KANK1: variants seen among roughly 807,000 people sequenced by gnomAD.
The protein encoded by KANK1 is KN motif and ankyrin repeat domains 1, also known as KN motif and ankyrin repeat domain-containing protein 1.
KANK1 carries 109 observed loss-of-function variants against 106.2 expected under a neutral mutation model. The ratio of observed to expected loss-of-function variants is 1.03; its 90% CI spans 0.88 to 1.20. The LOEUF (loss-of-function observed/expected upper bound fraction) is 1.20, where lower values mean the gene tolerates loss of function less well. KANK1 is among the 50% of genes most tolerant of loss of function. KANK1 has a pLI of 0.00. For synonymous variants in KANK1, 873 were observed against 652.2 expected (o/e 1.34, Z -5.16); for missense variants, 2,399 against 1,710.7 (o/e 1.40, Z -7.10).
chr9:481,946 G>A (rs2132169045), intron 3 of KANK1, among the ~76,000 whole-genome samples: 1 of 152,290 alleles, frequency 6.6e-6, no homozygotes, highest in East Asian at 1.9e-4. Flanking sequence ...CAGGGGCGAG[G>A]AGGAGGGTCA....
chr9:564,667 C>G (rs1817371570), intron 1 of KANK1, among the ~76,000 whole-genome samples: 1 of 152,220 alleles, frequency 6.6e-6, no homozygotes, highest in Non-Finnish European at 1.5e-5. Flanking sequence ...TTCTCATAAT[C>G]TGAGCATGCG....
intron 1 of KANK1, among the ~76,000 whole-genome samples, chr9:651,125 C>G (rs1025376651): frequency 6.6e-6 from 1 of 152,136 alleles, no homozygotes; most frequent in African/African-American, 2.4e-5. Flanking sequence ...TTTTCGGAAC[C>G]CCTTCAATTG....
chr9:617,786 T>G (rs1313841129), intron 1 of KANK1, among the ~76,000 whole-genome samples: 2 of 152,228 alleles, frequency 1.3e-5, no homozygotes, highest in Non-Finnish European at 2.9e-5. Flanking sequence ...TCAGATTGCT[T>G]CTTCCACTTT....
intron 2 of KANK1, chr9:686,646 C>A (rs1818647423): frequency 1.7e-6 from 1 of 579,898 alleles, no homozygotes; most frequent in Non-Finnish European, 2.2e-6. Context: ...TAGCACCACA[C>A]TTTATACAGC....
chr9:575,858 A>T (rs1227376542), intron 1 of KANK1, among the ~76,000 whole-genome samples: 1 of 152,178 alleles, frequency 6.6e-6, no homozygotes, highest in Non-Finnish European at 1.5e-5. Context: ...TCCTGTCTCT[A>T]TTAAAAATAC....
intron 1 of KANK1, among the ~76,000 whole-genome samples, chr9:530,514 T>C (rs2060009362): frequency 6.6e-6 from 1 of 152,086 alleles, no homozygotes; most frequent in African/African-American, 2.4e-5. Context: ...TGTCTGTTTC[T>C]TGACTTCTGT....
At chr9:503,867 C>G (rs1428174306), upstream of KANK1, among the ~76,000 whole-genome samples, 1 of 152,202 alleles carries the variant, frequency 6.6e-6, no homozygotes, top group Non-Finnish European at 1.5e-5. Context: ...GAAGCCAGTT[C>G]AATCCTGAGC....
intron 2 of KANK1, among the ~76,000 whole-genome samples, chr9:707,405 C>G (rs1034753416): frequency 4.6e-5 from 7 of 151,894 alleles, no homozygotes; most frequent in Non-Finnish European, 1.0e-4. Flanking sequence ...CCCACACACA[C>G]ATCCCGGGAG....
intron 1 of KANK1, among the ~76,000 whole-genome samples, chr9:574,236 G>A (rs1258370716): frequency 6.6e-6 from 1 of 152,254 alleles, no homozygotes; most frequent in Non-Finnish European, 1.5e-5. Flanking sequence ...TAAGGATCAT[G>A]AGGATGTTGA....
At chr9:678,724 TC>T (rs1367648400) in intron 2 of KANK1, among the ~76,000 whole-genome samples, 1 of 152,070 alleles carries the variant, frequency 6.6e-6, no homozygotes, top group African/African-American at 2.4e-5. Context: ...AGACTCCATA[TC>T]AAAAAATAAA....
rs1034876804 is a variant in KANK1, at chr9:712,213, C to T, written c.1447C>T (p.Arg483Trp). The change falls in exon 3 of 12, where the codon CGG (arginine) becomes TGG (tryptophan). Residue 483 changes from arginine to tryptophan, a missense_variant. Physicochemically the swap from Arg to Trp is moderately radical, Grantham distance 101. Coordinates refer to ENST00000382297, the MANE Select transcript of KANK1 (RefSeq NM_015158.5). ...ACAGCTTAGAGAAACCACCCATGAC[C>T]GGGAGATGACTAAACTGAAACAAGA... ...EVQLRETTHD[R>W]EMTKLKQELQ... 3.7e-6 allele frequency: 6 copies of T among 1,613,954 alleles called. No homozygotes were observed. In the African/African-American group the frequency reaches 4.0e-5, roughly 11 times the overall value.
intron 3 of KANK1, among the ~76,000 whole-genome samples, chr9:491,755 C>A (rs746809143): frequency 3.5e-4 from 54 of 152,204 alleles, no homozygotes; most frequent in Admixed American, 1.6e-3. Flanking sequence ...AATTATAACT[C>A]CTACAATTCC....
chr9:491,200 ATCC>A (rs1178672455), intron 3 of KANK1, among the ~76,000 whole-genome samples: 3 of 152,024 alleles, frequency 2.0e-5, no homozygotes, highest in Non-Finnish European at 2.9e-5. Context: ...GGCTCAAGTA[ATCC>A]TCCTACCTCG....
At chr9:744,788 C>G (rs1836765087) in intron 11 of KANK1, 199 bp downstream of exon 11, 6 of 1,459,272 alleles carry the variant, frequency 4.1e-6, no homozygotes, top group Admixed American at 2.4e-5. Flanking sequence ...GAGGCTGGAC[C>G]TTGCTTGTCC....
At chr9:498,532 C>T (rs182440341) in intron 3 of KANK1, among the ~76,000 whole-genome samples, 73 of 152,280 alleles carry the variant, frequency 4.8e-4, no homozygotes, top group African/African-American at 1.7e-3. Context: ...AATCATATAT[C>T]AGATAAAGAC....
At chr9:629,986 G>C (rs900849105) in intron 1 of KANK1, among the ~76,000 whole-genome samples, 3 of 152,214 alleles carry the variant, frequency 2.0e-5, no homozygotes, top group Non-Finnish European at 4.4e-5. Context: ...ACTGGCTCAC[G>C]CCTGTAATCC....
intron 2 of KANK1, among the ~76,000 whole-genome samples, chr9:689,293 A>G (rs1363906163): frequency 6.6e-6 from 1 of 152,192 alleles, no homozygotes; most frequent in Non-Finnish European, 1.5e-5. Context: ...TGAATAAAGG[A>G]TAAGAAGACA....
chr9:675,324 G>C (rs1383613910), intron 1 of KANK1, among the ~76,000 whole-genome samples: 1 of 152,122 alleles, frequency 6.6e-6, no homozygotes, highest in Non-Finnish European at 1.5e-5. Flanking sequence ...GTGGGTTTCT[G>C]AATTGACACT....
rs139973999 is a variant in KANK1, at chr9:727,795, A to G, written c.2699-2256A>G. On this transcript the variant is annotated intron_variant, in intron 3 of 11. Transcript: ENST00000382297. The stretch of plus-strand genomic sequence containing the variant: ...TATTATCTGCTTTTTTCAATTAACC[A>G]TATATTACAAACATTTTTCCACATC... 2.7e-3 allele frequency among the ~76,000 whole-genome samples: 409 copies of G among 152,088 alleles called. 3 individuals are homozygous for G. Among genetic ancestry groups the G allele is most frequent in the African/African-American group, 9.3e-3 (386 of 41,450 alleles).
Sources: allele counts gnomAD v4.1 joint callset (sites outside exome capture counted in the v4.1 genomes callset), GRCh38; gene constraint gnomAD v4.1.1; transcripts MANE v1.5; gene names NCBI Gene and HGNC (gene_info 2026-07-23, HGNC 2026-07-21).